VWA5A: variants seen among roughly 807,000 people sequenced by gnomAD.
The protein encoded by VWA5A is von Willebrand factor A domain containing 5A, also known as von Willebrand factor A domain-containing protein 5A.
VWA5A carries 77 observed loss-of-function variants against 84.6 expected under a neutral mutation model. The observed-to-expected ratio is 0.91, with a 90% CI of 0.76 to 1.10. The LOEUF (loss-of-function observed/expected upper bound fraction) is 1.10, where lower values mean the gene tolerates loss of function less well. Among genes scored for constraint, VWA5A ranks in the 50% least tolerant of loss-of-function variants. The pLI, the probability that VWA5A is intolerant of heterozygous loss-of-function variation, is 0.00. For synonymous variants in VWA5A, 334 were observed against 350.1 expected (o/e 0.95, Z 0.51); for missense variants, 973 against 963.0 (o/e 1.01, Z -0.14).
chr11:124,145,949 T>C lies in VWA5A; in HGVS notation c.*4T>C, dbSNP rs970959990. ...TCCTGCTATCTTTGCCTTTTGAAGA[T>C]ACCATCCAGAAAAAGAAGTGCCTTT... On this transcript the variant is annotated 3_prime_UTR_variant, in exon 19 of 19. Coordinates refer to ENST00000456829, the MANE Select transcript of VWA5A (RefSeq NM_001130142.2). 24 of 1,581,134 alleles carry C rather than the reference T, an allele frequency of 1.5e-5. No homozygotes were observed. Among genetic ancestry groups the C allele is most frequent in the Non-Finnish European group, 2.0e-5 (23 of 1,159,408 alleles).
At chr11:124,141,132 A>G (rs770886786) in intron 15 of VWA5A, among the ~76,000 whole-genome samples, 10 of 152,224 alleles carry the variant, frequency 6.6e-5, no homozygotes, top group Non-Finnish European at 1.5e-4. Flanking sequence ...ATCGGAAATA[A>G]CAAAGAGATT....
chr11:124,118,215 C>T lies in VWA5A; in HGVS notation c.273C>T (p.Ile91=), dbSNP rs569135595. 7 of 1,614,114 alleles carry T rather than the reference C, an allele frequency of 4.3e-6. No individual in the cohort carries two copies. The Admixed American group carries it at 1.0e-4, about 23-fold the overall frequency. The change falls in exon 5 of 19, where the codon ATC becomes ATT. Residue 91 remains isoleucine (I), a synonymous_variant. Transcript: ENST00000456829. The part of the protein sequence containing the change: ...MKARTNYEKA[I]SQGHQAFLLE... ...CCCGCACCAACTATGAGAAAGCCAT[C>T]TCCCAGGGCCACCAGGCCTTCTTAT... is the stretch of plus-strand genomic sequence containing the variant.
rs773053621 is a variant in VWA5A at position 124,118,686 on chromosome 11, G to A, written c.623G>A (p.Gly208Glu). Residue 208 changes from glycine (G) to glutamate (E), a missense_variant, in exon 6 of 19, where the codon GGA (glycine) becomes GAA (glutamate). Coordinates refer to ENST00000456829, the MANE Select transcript of VWA5A (RefSeq NM_001130142.2). ...NCPLSPTEYL[G>E]EDKTSAQVSL... ...CCCTTGAGTCCTACCGAGTACCTAGGAGAGGACAAGACTTCTGCTCAGGTA... is the reference window on the plus strand; with the variant it reads ...CCCTTGAGTCCTACCGAGTACCTAGAAGAGGACAAGACTTCTGCTCAGGTA... 1 of 1,613,928 alleles carries A rather than the reference G, an allele frequency of 6.2e-7. No individual in the cohort carries two copies. Among genetic ancestry groups the A allele is most frequent in the East Asian group, 2.2e-5 (1 of 44,872 alleles).
chr11:124,121,698 C>T (rs984769115), intron 7 of VWA5A, among the ~76,000 whole-genome samples: 1 of 152,152 alleles, frequency 6.6e-6, no homozygotes, highest in Admixed American at 6.5e-5. Flanking sequence ...CATTTGAAAA[C>T]AAAGAAGCTG....
intron 18 of VWA5A, 86 bp downstream of exon 18, chr11:124,145,449 C>T (rs1860802859): frequency 6.9e-7 from 1 of 1,455,438 alleles, no homozygotes; most frequent in East Asian, 2.4e-5. Context: ...TGTCACCTGC[C>T]TCCACCATCC....
At chr11:124,125,716 T>G (rs536681154) in intron 11 of VWA5A, among the ~76,000 whole-genome samples, 2 of 152,350 alleles carry the variant, frequency 1.3e-5, no homozygotes, top group South Asian at 4.1e-4. Flanking sequence ...TTTATTTCTA[T>G]TAGATTGATT....
chr11:124,131,739 A>G (rs1004208547), intron 11 of VWA5A, among the ~76,000 whole-genome samples: 2 of 151,738 alleles, frequency 1.3e-5, no homozygotes, highest in Admixed American at 1.3e-4. Flanking sequence ...GAAGAATCAC[A>G]TTTGCAAAAA....
intron 3 of VWA5A, 59 bp from the exon 4 acceptor site, chr11:124,117,614 G>C: frequency 1.2e-6 from 2 of 1,614,074 alleles, no homozygotes; most frequent in Non-Finnish European, 1.7e-6. Flanking sequence ...CACAAGGCTT[G>C]ATCTACAAGG....
intron 11 of VWA5A, among the ~76,000 whole-genome samples, chr11:124,133,647 C>T (rs1056008287): frequency 3.3e-5 from 5 of 152,100 alleles, no homozygotes; most frequent in Admixed American, 6.5e-5. Context: ...AGTTACAGTT[C>T]TTCTGCTTGC....
chr11:124,119,139 C>A, intron 7 of VWA5A, 50 bp downstream of exon 7: 2 of 1,484,394 alleles, frequency 1.3e-6, no homozygotes, highest in Non-Finnish European at 9.3e-7. Context: ...AACTCCCTGT[C>A]TTGGAATTAC....
intron 11 of VWA5A, among the ~76,000 whole-genome samples, chr11:124,126,273 A>G (rs1865017114): frequency 6.6e-6 from 1 of 152,234 alleles, no homozygotes; most frequent in African/African-American, 2.4e-5. Flanking sequence ...CAAAAAAGGA[A>G]ACCTATTGGT....
chr11:124,141,939 C>T (rs555303216), intron 16 of VWA5A, among the ~76,000 whole-genome samples, 198 bp downstream of exon 16: 1 of 152,292 alleles, frequency 6.6e-6, no homozygotes, highest in African/African-American at 2.4e-5. Context: ...AGGCAGGCCT[C>T]GGTTCACCCC....
intron 11 of VWA5A, among the ~76,000 whole-genome samples, chr11:124,126,213 A>G (rs1305166828): frequency 1.3e-5 from 2 of 152,214 alleles, no homozygotes; most frequent in Non-Finnish European, 2.9e-5. Flanking sequence ...TGTCTTGATT[A>G]CACTTGACTC....
intron 3 of VWA5A, 56 bp from the exon 4 acceptor site, chr11:124,117,617 C>G: frequency 6.2e-7 from 1 of 1,614,066 alleles, no homozygotes; most frequent in Non-Finnish European, 8.5e-7. Flanking sequence ...AAGGCTTGAT[C>G]TACAAGGAGG....
intron 11 of VWA5A, among the ~76,000 whole-genome samples, chr11:124,129,737 T>G (rs1474447156): frequency 1.3e-5 from 2 of 152,194 alleles, no homozygotes; most frequent in Non-Finnish European, 2.9e-5. Context: ...CAGGAATTTA[T>G]CCATTTCTTC....
chr11:124,137,580 T>C (rs12098892), intron 15 of VWA5A, among the ~76,000 whole-genome samples: 13,141 of 152,276 alleles, frequency 0.086, 577 homozygotes, highest in South Asian at 0.1. Context: ...TGAGATATAA[T>C]TCAAATATCA....
chr11:124,121,908 T>G (rs993679005), intron 7 of VWA5A, among the ~76,000 whole-genome samples: 3 of 152,244 alleles, frequency 2.0e-5, no homozygotes, highest in Admixed American at 6.5e-5. Context: ...GAAAGGAATC[T>G]TGCTCATCAC....
At chr11:124,126,745 C>G (rs1865023646) in intron 11 of VWA5A, among the ~76,000 whole-genome samples, 1 of 150,980 alleles carries the variant, frequency 6.6e-6, no homozygotes, top group African/African-American at 2.4e-5. Context: ...GGTGACAGAG[C>G]AAGAATCCTT....
At position 124,134,919 on chromosome 11, in the gene VWA5A, G is replaced by A; in HGVS notation, c.1245-1G>A. ...TAACCTCTGTCCTGTTACAATTGCAGGTGTTTCTCATTTGGTATTGGAGAA... is the reference window on the plus strand; with the variant it reads ...TAACCTCTGTCCTGTTACAATTGCAAGTGTTTCTCATTTGGTATTGGAGAA... On this transcript the variant is annotated splice_acceptor_variant, in intron 11 of 18. Transcript: ENST00000456829. LOFTEE classifies it high-confidence loss of function. 1 of 1,611,240 alleles carries A rather than the reference G, an allele frequency of 6.2e-7. No individual in the cohort carries two copies. Among genetic ancestry groups the A allele is most frequent in the Non-Finnish European group, 8.5e-7 (1 of 1,178,208 alleles).
Sources: gnomAD v4.1 joint callset for allele counts (sites outside exome capture counted in the v4.1 genomes callset) on GRCh38, gnomAD v4.1.1 for gene constraint, MANE v1.5 for transcripts, NCBI Gene and HGNC (gene_info 2026-07-23, HGNC 2026-07-21) for gene names.